The following ATP6V1A variants were observed in gnomAD, a reference collection of about 807,000 sequenced individuals.
ATP6V1A encodes the protein V-type proton ATPase catalytic subunit A.
ATP6V1A carries 18 observed loss-of-function variants against 70.1 expected under a neutral mutation model. The ratio of observed to expected loss-of-function variants is 0.26; its 90% CI spans 0.18 to 0.38. ATP6V1A has a LOEUF of 0.38. Ranked by LOEUF, ATP6V1A falls within the 10% of genes least tolerant of loss-of-function variation. The pLI, the probability that ATP6V1A is intolerant of heterozygous loss-of-function variation, is 1.00. For missense variants in ATP6V1A, 424 were observed against 772.4 expected, an observed-to-expected ratio of 0.55 and a Z score of 5.35; for synonymous variants, 232 against 253.8, an observed-to-expected ratio of 0.91 and a Z score of 0.82.
chr3:113,783,684 C>G (rs554527879), intron 3 of ATP6V1A, among the ~76,000 whole-genome samples: 6 of 152,190 alleles, frequency 3.9e-5, no homozygotes, highest in Non-Finnish European at 7.4e-5. Flanking sequence ...TGTCAGACAC[C>G]ACATGAACTA....
chr3:113,795,083 T>C lies in ATP6V1A; in HGVS notation c.1112-7T>C, dbSNP rs764690100. On this transcript the variant is annotated splice_polypyrimidine_tract_variant and splice_region_variant and intron_variant, in intron 9 of 14. Transcript: ENST00000273398. ...ACTCTGTTTTAAAATTTCTTTTCAT[T>C]TTTCAGATAGTGGATATCCAGCCTA... 6.2e-7 allele frequency: 1 copy of C among 1,613,548 alleles called. No homozygotes were observed.
At chr3:113,768,252 A>C (rs994949541) in intron 1 of ATP6V1A, among the ~76,000 whole-genome samples, 2 of 152,144 alleles carry the variant, frequency 1.3e-5, no homozygotes, top group African/African-American at 2.4e-5. Flanking sequence ...TTGTCTACAC[A>C]TTTCATTGTA....
intron 3 of ATP6V1A, among the ~76,000 whole-genome samples, chr3:113,782,559 T>C (rs982172145): frequency 2.1e-5 from 3 of 145,122 alleles, no homozygotes; most frequent in Admixed American, 6.9e-5. Context: ...TATATATACA[T>C]GTGTATATAT....
In ATP6V1A at chr3:113,780,679, C is replaced by G. The variant is rs74559694; in HGVS notation, c.83-371C>G. On this transcript the variant is annotated intron_variant, in intron 2 of 14. Transcript: ENST00000273398. ...TGTGGCATTCTACCATACTACTAGC[C>G]AAACCATTTATTCCAATTTCTACTT... 6,316 of 1,180,590 alleles carry G rather than the reference C, an allele frequency of 5.3e-3. 29 individuals carry two copies. The highest frequency in any genetic ancestry group is 6.5e-3 in the Non-Finnish European group (5,888 of 899,598). 73.1% of individuals were successfully genotyped at this position (1,180,590 alleles called of 1,614,324 possible).
intron 2 of ATP6V1A, 29 bp from the exon 3 acceptor site, chr3:113,781,021 T>C: frequency 6.3e-7 from 1 of 1,576,256 alleles, no homozygotes; most frequent in Non-Finnish European, 8.6e-7. Flanking sequence ...GAGTCTTAAG[T>C]CATCAAAATA....
chr3:113,795,542 A>G (rs902218487), intron 10 of ATP6V1A, among the ~76,000 whole-genome samples: 1 of 151,920 alleles, frequency 6.6e-6, no homozygotes, highest in African/African-American at 2.4e-5. Context: ...TGATCACTAC[A>G]TAAAGCCATA....
chr3:113,754,253 G>C (rs1708622530), intron 1 of ATP6V1A, among the ~76,000 whole-genome samples: 1 of 152,162 alleles, frequency 6.6e-6, no homozygotes, highest in African/African-American at 2.4e-5. Flanking sequence ...GCTGGGCATG[G>C]TGGCTCACGC....
intron 6 of ATP6V1A, among the ~76,000 whole-genome samples, chr3:113,786,988 T>C (rs1386872354): frequency 3.9e-5 from 6 of 152,070 alleles, no homozygotes; most frequent in African/African-American, 7.2e-5. Flanking sequence ...CTATGTTGCC[T>C]AGGCTGATCT....
intron 2 of ATP6V1A, among the ~76,000 whole-genome samples, chr3:113,780,383 T>G (rs1220592379): frequency 1.3e-5 from 2 of 152,210 alleles, no homozygotes; most frequent in Admixed American, 1.3e-4. Context: ...CTAGACCACA[T>G]GGTCCAAAAT....
intron 3 of ATP6V1A, 119 bp downstream of exon 3, chr3:113,781,297 A>G: frequency 3.5e-6 from 4 of 1,156,372 alleles, no homozygotes; most frequent in Non-Finnish European, 4.7e-6. Context: ...CAGGTGGATC[A>G]CCTGAGGTCA....
chr3:113,800,771 TA>T (rs1457564181), intron 12 of ATP6V1A, among the ~76,000 whole-genome samples: 1 of 152,156 alleles, frequency 6.6e-6, no homozygotes, highest in Non-Finnish European at 1.5e-5. Flanking sequence ...TTTGATTACA[TA>T]AAAAGTAAGC....
intron 3 of ATP6V1A, 31 bp from the exon 4 acceptor site, chr3:113,784,193 A>C (rs1709012763): frequency 6.4e-7 from 1 of 1,573,518 alleles, no homozygotes; most frequent in Non-Finnish European, 8.7e-7. Context: ...TTAAACCTTC[A>C]TAGTAGGTTT....
intron 13 of ATP6V1A, 62 bp downstream of exon 13, chr3:113,803,739 T>A: frequency 7.4e-7 from 1 of 1,354,520 alleles, no homozygotes; most frequent in Admixed American, 1.9e-5. Flanking sequence ...GGTGAAGGAG[T>A]ACACATTAAA....
At chr3:113,789,037 A>G (rs575749655) in intron 7 of ATP6V1A, among the ~76,000 whole-genome samples, 162 bp downstream of exon 7, 1 of 152,228 alleles carries the variant, frequency 6.6e-6, no homozygotes, top group East Asian at 1.9e-4. Context: ...TATATTCAAG[A>G]AAAGGAATTT....
chr3:113,778,840 G>GTAA lies in ATP6V1A; in HGVS notation c.82+8_82+10dup, dbSNP rs766552560. On this transcript the variant is annotated splice_donor_region_variant and intron_variant, in intron 2 of 14. Coordinates refer to ENST00000273398, the MANE Select transcript of ATP6V1A (RefSeq NM_001690.4). The stretch of plus-strand genomic sequence containing the variant: ...TGCATGGGGTCTCAGGACCTGGTAA[G>GTAA]TAATACATCATAATCTCAAAATAAG... 7.2e-6 allele frequency: 11 copies of GTAA among 1,530,414 alleles called. No homozygotes were observed. The highest frequency in any genetic ancestry group is 9.7e-6 in the Non-Finnish European group (11 of 1,134,344). The allele number at this position is 1,530,414 out of a possible 1,614,324, so 94.8% of individuals were successfully genotyped here. A position where few individuals can be genotyped will look rare whatever the true frequency, so the allele number is the denominator to read the frequency against.
intron 12 of ATP6V1A, 47 bp downstream of exon 12, chr3:113,798,493 G>C: frequency 6.3e-7 from 1 of 1,576,556 alleles, no homozygotes; most frequent in Non-Finnish European, 8.7e-7. Context: ...GTTACACTGG[G>C]GTGTTTCAAG....
At chr3:113,770,189 C>T (rs1387781339) in intron 1 of ATP6V1A, among the ~76,000 whole-genome samples, 1 of 152,052 alleles carries the variant, frequency 6.6e-6, no homozygotes, top group Non-Finnish European at 1.5e-5. Context: ...GCTGGGACTA[C>T]AGTTTTGCAT....
At position 113,794,977 on chromosome 3, in the gene ATP6V1A, T is replaced by G; in HGVS notation, c.1094T>G (p.Leu365Ter). ...AEALREISGR[L>*]AEMPADSGYP... ...GCCCTTAGAGAAATCTCTGGTCGTT[T>G]AGCTGAAATGCCTGCAGGTAAGTCT... Residue 365 changes from leucine to a stop codon, truncating the protein, a stop_gained, in exon 9 of 15, where the codon TTA becomes TGA. Transcript: ENST00000273398. LOFTEE classifies it high-confidence loss of function. The G allele has an allele frequency of 2.5e-6, 4 of 1,613,860 alleles. No homozygotes were observed. Among genetic ancestry groups the G allele is most frequent in the Non-Finnish European group, 3.4e-6 (4 of 1,179,900 alleles).
Position 113,751,666 on chromosome 3 carries a change from T to C in ATP6V1A, c.-14+4553T>C, listed in dbSNP as rs538767674. ...TGGTTTTTATAAGTGTATTCATTTATATTTAGTATATACATATTATGTATA... is the reference window on the plus strand; with the variant it reads ...TGGTTTTTATAAGTGTATTCATTTACATTTAGTATATACATATTATGTATA... On this transcript the variant is annotated intron_variant, in intron 1 of 14. Coordinates refer to ENST00000273398, the MANE Select transcript of ATP6V1A (RefSeq NM_001690.4). 7.1e-4 allele frequency among the ~76,000 whole-genome samples: 107 copies of C among 151,324 alleles called. 1 individual carries two copies. Among genetic ancestry groups the C allele is most frequent in the African/African-American group, 2.5e-3 (104 of 41,412 alleles).
Sources: allele counts gnomAD v4.1 joint callset (sites outside exome capture counted in the v4.1 genomes callset), GRCh38; gene constraint gnomAD v4.1.1; transcripts MANE v1.5; gene names NCBI Gene and HGNC (gene_info 2026-07-23, HGNC 2026-07-21).